Variants in ARF3 observed in about 807,000 individuals in gnomAD.
ARF3 encodes the protein ADP-ribosylation factor 3.
In ARF3, 5 loss-of-function variants were observed where a neutral mutation model predicts 19.3. That is an observed-to-expected ratio of 0.26 (90% confidence interval 0.14 to 0.54). ARF3 has a LOEUF of 0.54. Among genes scored for constraint, ARF3 ranks in the 20% least tolerant of loss-of-function variants. The pLI is 0.95. For synonymous variants in ARF3, 71 were observed against 89.2 expected (o/e 0.80, Z 1.15); for missense variants, 77 against 234.2 (o/e 0.33, Z 4.38).
At chr12:48,956,221 G>A (rs1371419242) in intron 1 of ARF3, 8 of 152,304 alleles carry the variant, frequency 5.3e-5, no homozygotes, top group Non-Finnish European at 1.2e-4. Flanking sequence ...GACCAGGGGT[G>A]ACCCAATCCA....
chr12:48,938,252 A>G lies in ARF3; in HGVS notation c.*695T>C. The G allele has an allele frequency of 5.2e-6, 2 of 383,346 alleles. No individual in the cohort carries two copies. The highest frequency in any genetic ancestry group is 1.1e-5 in the Non-Finnish European group (2 of 189,436). The allele number at this position is 383,346 out of a possible 1,614,324, so 23.7% of individuals were successfully genotyped here. On this transcript the variant is annotated 3_prime_UTR_variant, in exon 5 of 5. Coordinates refer to ENST00000256682, the MANE Select transcript of ARF3 (RefSeq NM_001659.3). ...TGAAGAATCCATCATCTGTCCTATC[A>G]TCCAGAAAAACCTACCTGCAGAGAG...
chr12:48,939,789 C>A lies in ARF3; in HGVS notation c.260-10G>T. ...ACCACAAATATCAACCCTAGGAAGG[C>A]AGAGCATGGGCTGCACTAAGATGAC... On this transcript the variant is annotated splice_polypyrimidine_tract_variant and intron_variant, in intron 3 of 4. Transcript: ENST00000256682. This position sits in a 1 kb window ranked among gnomAD's most constrained non-coding sequence, Gnocchi z 4.8. The A allele has an allele frequency of 6.2e-7, 1 of 1,613,904 alleles. No homozygotes were observed. The highest frequency in any genetic ancestry group is 1.1e-5 in the South Asian group (1 of 91,082).
In ARF3 at chr12:48,937,486, T is replaced by C. The variant is rs1940167316; in HGVS notation, c.*1461A>G. 6.6e-6 allele frequency: 1 copy of C among 152,352 alleles called. No homozygotes were observed. The highest frequency in any genetic ancestry group is 6.5e-5 in the Admixed American group (1 of 15,280). 9.4% of individuals were successfully genotyped at this position (152,352 alleles called of 1,614,324 possible). ...TAGCAACAGCTTCTGAACAACTACA[T>C]AATAATGCGGGGAGAATCCTGAAGA... On this transcript the variant is annotated 3_prime_UTR_variant, in exon 5 of 5. Coordinates refer to ENST00000256682, the MANE Select transcript of ARF3 (RefSeq NM_001659.3).
rs1452315565 is a variant in ARF3 at position 48,956,728 on chromosome 12, T to A, written c.-94+582A>T. Among the ~76,000 whole-genome samples, 3 of 151,992 alleles carry A rather than the reference T, an allele frequency of 2.0e-5. No homozygotes were observed. The East Asian group carries it at 5.8e-4, about 29-fold the overall frequency. On this transcript the variant is annotated intron_variant, in intron 1 of 4. Transcript: ENST00000256682. ...CCCACTTGCTGCCCTCTTCCCAACC[T>A]GCGGTTCCCTAGACTCGAAAGCGCA...
chr12:48,949,374 C>G (rs559898958), intron 1 of ARF3, among the ~76,000 whole-genome samples: 23 of 152,200 alleles, frequency 1.5e-4, no homozygotes, highest in African/African-American at 5.3e-4. Flanking sequence ...TACAGGCGCC[C>G]GCCACTACAC....
At chr12:48,954,553 A>G (rs986336484) in intron 1 of ARF3, among the ~76,000 whole-genome samples, 1 of 152,214 alleles carries the variant, frequency 6.6e-6, no homozygotes, top group Non-Finnish European at 1.5e-5. Context: ...CTTGAAAACC[A>G]TATGTCATTA....
In ARF3 at chr12:48,941,142, A is replaced by G. The variant is rs1378651607; in HGVS notation, c.-47T>C. ...GGGACAGTGGGGCCCAAGTAGGGGC[A>G]GTGGCAGTCTGGTTTTGGCCTGGTC... On this transcript the variant is annotated 5_prime_UTR_variant, in exon 2 of 5. Transcript: ENST00000256682. 1 of 1,576,004 alleles carries G rather than the reference A, an allele frequency of 6.3e-7. No homozygotes were observed. The highest frequency in any genetic ancestry group is 8.6e-7 in the Non-Finnish European group (1 of 1,158,642).
chr12:48,947,962 T>A (rs992727477), intron 1 of ARF3, among the ~76,000 whole-genome samples: 4 of 108,422 alleles, frequency 3.7e-5, no homozygotes, highest in Admixed American at 3.3e-4. Flanking sequence ...TCCCAGCACT[T>A]TGGGAGGCTG....
chr12:48,945,631 G>A (rs1239695013), intron 1 of ARF3, among the ~76,000 whole-genome samples: 1 of 151,926 alleles, frequency 6.6e-6, no homozygotes, highest in African/African-American at 2.4e-5. Context: ...GCTCAGGCAG[G>A]AGAATCGCTT....
chr12:48,945,836 G>A (rs929591001), intron 1 of ARF3, among the ~76,000 whole-genome samples: 16 of 151,950 alleles, frequency 1.1e-4, no homozygotes, highest in African/African-American at 3.9e-4. Context: ...AGACAGTCTC[G>A]CTCTGTCACC....
Position 48,936,479 on chromosome 12 carries a change from A to G in ARF3, c.*2468T>C, listed in dbSNP as rs1438110000. ...GGGCAGAAATGGAATGAAACACCCAATCCCAAAAGAGCTGTTAAGTGAATG... is the reference window on the plus strand; with the variant it reads ...GGGCAGAAATGGAATGAAACACCCAGTCCCAAAAGAGCTGTTAAGTGAATG... On this transcript the variant is annotated 3_prime_UTR_variant, in exon 5 of 5. Transcript: ENST00000256682. The G allele has an allele frequency of 6.6e-6, 1 of 152,596 alleles. No homozygotes were observed. The highest frequency in any genetic ancestry group is 2.4e-5 in the African/African-American group (1 of 41,420). The allele number at this position is 152,596 out of a possible 1,614,324, so 9.5% of individuals were successfully genotyped here.
At chr12:48,943,894 C>A (rs1263167003) in intron 1 of ARF3, among the ~76,000 whole-genome samples, 2 of 152,142 alleles carry the variant, frequency 1.3e-5, no homozygotes, top group African/African-American at 4.8e-5. Context: ...TCAAGCCACC[C>A]GCTAGCCTTC....
At chr12:48,940,224 C>G in intron 2 of ARF3, 117 bp from the exon 3 acceptor site, 2 of 831,562 alleles carry the variant, frequency 2.4e-6, no homozygotes, top group Non-Finnish European at 4.0e-6. Context: ...AACAATGGAA[C>G]AAAAGCTAAG....
At chr12:48,941,220 A>G (rs957291828) in intron 1 of ARF3, 32 bp from the exon 2 acceptor site, 1 of 1,152,720 alleles carries the variant, frequency 8.7e-7, no homozygotes, top group South Asian at 1.6e-5. Flanking sequence ...TCATACCATC[A>G]TTTGCTTGTC....
chr12:48,940,738 G>A (rs1050435766), intron 2 of ARF3, among the ~76,000 whole-genome samples: 2 of 152,204 alleles, frequency 1.3e-5, no homozygotes, highest in African/African-American at 4.8e-5. Flanking sequence ...CCAGGCCATG[G>A]AAGTTCCCGC....
chr12:48,951,139 A>AG (rs1940460507), intron 1 of ARF3, among the ~76,000 whole-genome samples: 2 of 152,170 alleles, frequency 1.3e-5, no homozygotes, highest in African/African-American at 4.8e-5. Flanking sequence ...AAATCCTCTC[A>AG]GCGTTTTAGA....
At chr12:48,945,969 A>G (rs565798350) in intron 1 of ARF3, among the ~76,000 whole-genome samples, 2 of 152,034 alleles carry the variant, frequency 1.3e-5, no homozygotes, top group South Asian at 4.2e-4. Flanking sequence ...TGCCTTGCTA[A>G]TTTTTATATT....
In ARF3 at chr12:48,938,228, G is replaced by C. The variant is rs1013099412; in HGVS notation, c.*719C>G. ...AGAAGAGTACAAGGAAAATGGTGGT[G>C]AAGAATCCATCATCTGTCCTATCAT... On this transcript the variant is annotated 3_prime_UTR_variant, in exon 5 of 5. Transcript: ENST00000256682. 2.8e-6 allele frequency: 1 copy of C among 363,524 alleles called. No individual in the cohort carries two copies. The highest frequency in any genetic ancestry group is 2.1e-5 in the African/African-American group (1 of 47,134). The allele number at this position is 363,524 out of a possible 1,614,324, so 22.5% of individuals were successfully genotyped here. A position where few individuals can be genotyped will look rare whatever the true frequency, so the allele number is the denominator to read the frequency against.
intron 1 of ARF3, chr12:48,956,554 T>C (rs895601211): frequency 5.3e-5 from 8 of 152,112 alleles, no homozygotes; most frequent in African/African-American, 1.7e-4. Context: ...AGAAAGCGGA[T>C]TGGAAGACAC....
Sources: gnomAD v4.1 joint callset for allele counts (sites outside exome capture counted in the v4.1 genomes callset) on GRCh38, gnomAD v4.1.1 for gene constraint, Gnocchi (gnomAD v3.1) non-coding constraint, MANE v1.5 for transcripts, NCBI Gene and HGNC (gene_info 2026-07-23, HGNC 2026-07-21) for gene names.